The following MOB1B variants were observed in gnomAD, a reference collection of about 807,000 sequenced individuals.
MOB1B encodes MOB kinase activator 1B.
Under a neutral mutation model 24.4 loss-of-function variants are expected in MOB1B, and 19 were observed. The observed-to-expected ratio is 0.78, with a 90% CI of 0.54 to 1.14. The LOEUF (loss-of-function observed/expected upper bound fraction) is 1.14. Among genes scored for constraint, MOB1B ranks in the 50% most tolerant of loss-of-function variants. The pLI is 0.00. For synonymous variants in MOB1B, 76 were observed against 82.1 expected (o/e 0.93, Z 0.40); for missense variants, 243 against 259.6 (o/e 0.94, Z 0.44).
chr4:70,965,320 A>AG (rs1738474172), intron 2 of MOB1B, among the ~76,000 whole-genome samples: 9 of 149,286 alleles, frequency 6.0e-5, no homozygotes, highest in African/African-American at 2.2e-4. Context: ...AAAAAAAAAA[A>AG]GTGGTTCTTT....
At chr4:70,917,407 T>G (rs72852960) in intron 1 of MOB1B, among the ~76,000 whole-genome samples, 4,287 of 152,310 alleles carry the variant, frequency 0.028, 203 homozygotes, top group African/African-American at 0.096. Context: ...ATCTCTGAAC[T>G]TGGGGAAAAA....
intron 1 of MOB1B, among the ~76,000 whole-genome samples, chr4:70,915,578 C>T (rs1037114316): frequency 5.9e-5 from 9 of 152,314 alleles, no homozygotes; most frequent in Non-Finnish European, 8.8e-5. Flanking sequence ...TAGTCATTTA[C>T]TTGGCCTCTG....
At chr4:70,932,719 A>G (rs1372861346) in intron 1 of MOB1B, among the ~76,000 whole-genome samples, 2 of 152,302 alleles carry the variant, frequency 1.3e-5, no homozygotes, top group East Asian at 3.9e-4. Context: ...ACAACGTGGT[A>G]CATGTTTCTG....
In MOB1B at chr4:70,975,205, T is replaced by G; in HGVS notation, c.328T>G (p.Ser110Ala). Residue 110 changes from serine (S) to alanine (A), a missense_variant, in exon 4 of 6, where the codon TCT (serine) becomes GCT (alanine). By Grantham distance (99) the Ser-to-Ala change is moderately conservative. Transcript: ENST00000309395. ...GAACATAAAGAAACCTATTAAGTGCTCTGCACCAAAGTATATTGATTACTT... is the reference window on the plus strand; with the variant it reads ...GAACATAAAGAAACCTATTAAGTGCGCTGCACCAAAGTATATTGATTACTT... ...GTNIKKPIKCSAPKYIDYLMT... is the reference protein window; with the variant it reads ...GTNIKKPIKCAAPKYIDYLMT... The G allele has an allele frequency of 6.2e-7, 1 of 1,613,220 alleles. No individual in the cohort carries two copies. The highest frequency in any genetic ancestry group is 2.2e-5 in the East Asian group (1 of 44,772).
chr4:70,984,850 C>G lies in MOB1B; in HGVS notation c.*2793C>G, dbSNP rs1578410698. ...TTAAAAACCATGGCATTAGACTGCA[C>G]TAAATTAACAAGCATGTTAGTTGCT... On this transcript the variant is annotated 3_prime_UTR_variant, in exon 6 of 6. Coordinates refer to ENST00000309395, the MANE Select transcript of MOB1B (RefSeq NM_173468.4). The G allele has an allele frequency of 6.6e-6, 1 of 152,148 alleles. No individual in the cohort carries two copies. The highest frequency in any genetic ancestry group is 1.5e-5 in the Non-Finnish European group (1 of 68,006). The allele number at this position is 152,148 out of a possible 1,614,324, so 9.4% of individuals were successfully genotyped here. A position where few individuals can be genotyped will look rare whatever the true frequency, so the allele number is the denominator to read the frequency against.
intron 4 of MOB1B, 28 bp from the exon 5 acceptor site, chr4:70,979,100 T>TA: frequency 6.3e-7 from 1 of 1,591,804 alleles, no homozygotes; most frequent in Non-Finnish European, 8.6e-7. Flanking sequence ...CTCTTGTTAC[T>TA]AGAGGGAGTT....
At chr4:70,925,511 T>TG (rs1268966362) in intron 1 of MOB1B, among the ~76,000 whole-genome samples, 1 of 152,198 alleles carries the variant, frequency 6.6e-6, no homozygotes, top group East Asian at 1.9e-4. Context: ...GGTCCTCTGG[T>TG]GACAGAAAGT....
chr4:70,923,475 T>C (rs1279958987), intron 1 of MOB1B, among the ~76,000 whole-genome samples: 2 of 152,280 alleles, frequency 1.3e-5, no homozygotes, highest in African/African-American at 4.8e-5. Context: ...AGTGCTGGGA[T>C]TATAGGCATG....
chr4:70,958,579 TTAGAA>T (rs1431491765), intron 1 of MOB1B: 20 of 418,934 alleles, frequency 4.8e-5, no homozygotes, highest in Non-Finnish European at 6.9e-5. Context: ...AATGAGAGAC[TTAGAA>T]TAGGAGTGAA....
chr4:70,971,901 T>C (rs1431557352), intron 3 of MOB1B, among the ~76,000 whole-genome samples: 1 of 151,984 alleles, frequency 6.6e-6, no homozygotes, highest in African/African-American at 2.4e-5. Flanking sequence ...CTCTTTCTCT[T>C]CTTTCTTCCT....
intron 2 of MOB1B, among the ~76,000 whole-genome samples, chr4:70,966,908 C>T (rs1738554968): frequency 6.6e-6 from 1 of 151,072 alleles, no homozygotes; most frequent in Non-Finnish European, 1.5e-5. Context: ...CTGCATTAGC[C>T]AAAATCAAGG....
At chr4:70,929,839 G>A (rs1440291338) in intron 1 of MOB1B, among the ~76,000 whole-genome samples, 4 of 151,966 alleles carry the variant, frequency 2.6e-5, no homozygotes, top group Admixed American at 6.6e-5. Flanking sequence ...TAGAGACGGG[G>A]TTTCGCCGTG....
At chr4:70,904,916 G>A (rs1735677182) in intron 1 of MOB1B, among the ~76,000 whole-genome samples, 1 of 152,136 alleles carries the variant, frequency 6.6e-6, no homozygotes, top group African/African-American at 2.4e-5. Flanking sequence ...TGGTGGATTA[G>A]TTTGTTTCTC....
At chr4:70,940,195 G>C (rs1358160733) in intron 1 of MOB1B, among the ~76,000 whole-genome samples, 1 of 152,166 alleles carries the variant, frequency 6.6e-6, no homozygotes, top group Non-Finnish European at 1.5e-5. Flanking sequence ...ATGGGGCCAT[G>C]GTGGGCCAGG....
intron 4 of MOB1B, chr4:70,976,840 A>G (rs2148903428): frequency 6.3e-6 from 1 of 159,054 alleles, no homozygotes; most frequent in Non-Finnish European, 1.3e-5. Context: ...CTCATAATAC[A>G]GTTGTAAAAT....
intron 1 of MOB1B, among the ~76,000 whole-genome samples, chr4:70,940,793 C>G (rs1484983603): frequency 6.6e-6 from 1 of 151,872 alleles, no homozygotes; most frequent in Non-Finnish European, 1.5e-5. Context: ...TCTCCTGCCT[C>G]AGCCTCCCGA....
intron 1 of MOB1B, among the ~76,000 whole-genome samples, chr4:70,944,839 T>G (rs1037970006): frequency 6.6e-6 from 1 of 151,996 alleles, no homozygotes; most frequent in African/African-American, 2.4e-5. Flanking sequence ...GAGAACTCAT[T>G]CACTATCACA....
At chr4:70,932,931 A>G (rs561075092) in intron 1 of MOB1B, among the ~76,000 whole-genome samples, 2 of 152,298 alleles carry the variant, frequency 1.3e-5, no homozygotes, top group South Asian at 4.1e-4. Context: ...AGTATACTGT[A>G]AGAACGCTGG....
chr4:70,919,155 T>C (rs1736321067), intron 1 of MOB1B, among the ~76,000 whole-genome samples: 1 of 151,492 alleles, frequency 6.6e-6, no homozygotes. Context: ...CTGGGGACTG[T>C]TGTGGGGTGG....
Sources: allele counts gnomAD v4.1 joint callset (sites outside exome capture counted in the v4.1 genomes callset), GRCh38; gene constraint gnomAD v4.1.1; transcripts MANE v1.5; gene names NCBI Gene and HGNC (gene_info 2026-07-23, HGNC 2026-07-21).